Variants in KCNIP4 observed in about 807,000 individuals in gnomAD.
KCNIP4 encodes the protein potassium voltage-gated channel interacting protein 4, also known as Kv channel-interacting protein 4.
In KCNIP4, 12 loss-of-function variants were observed where a neutral mutation model predicts 34.0. The observed-to-expected ratio is 0.35, with a 90% CI of 0.23 to 0.57. KCNIP4 has a LOEUF of 0.57. KCNIP4 is among the 20% of genes least tolerant of loss of function. KCNIP4 has a pLI of 0.83. For synonymous variants in KCNIP4, 124 were observed against 102.2 expected, an observed-to-expected ratio of 1.21 and a Z score of -1.29; for missense variants, 238 against 311.7, an observed-to-expected ratio of 0.76 and a Z score of 1.78.
intron 1 of KCNIP4, among the ~76,000 whole-genome samples, chr4:21,006,789 A>G (rs1200464729): frequency 1.3e-5 from 2 of 152,086 alleles, no homozygotes; most frequent in Admixed American, 1.3e-4. Flanking sequence ...CACAGCATGG[A>G]AGTCTGATGA....
intron 1 of KCNIP4, among the ~76,000 whole-genome samples, chr4:21,386,012 T>C (rs9291426): frequency 0.047 from 7,148 of 152,184 alleles, 421 homozygotes; most frequent in African/African-American, 0.13. Context: ...GGAAAAAATA[T>C]CACACTTGTC....
intron 3 of KCNIP4, among the ~76,000 whole-genome samples, chr4:20,770,658 G>T (rs1423627751): frequency 6.6e-6 from 1 of 152,162 alleles, no homozygotes; most frequent in African/African-American, 2.4e-5. Flanking sequence ...AATAAGGCAG[G>T]TGCAGTGGCT....
At chr4:21,283,591 C>T (rs1000906340) in intron 1 of KCNIP4, among the ~76,000 whole-genome samples, 2 of 136,714 alleles carry the variant, frequency 1.5e-5, no homozygotes, top group Non-Finnish European at 3.0e-5. Flanking sequence ...CTGAACTAGT[C>T]CATGTGAAAA....
intron 3 of KCNIP4, among the ~76,000 whole-genome samples, chr4:20,844,966 T>C (rs907565574): frequency 1.3e-5 from 2 of 152,100 alleles, no homozygotes; most frequent in East Asian, 1.9e-4. Context: ...AAGCCAAACA[T>C]GGAGGGTGGG....
At chr4:20,918,812 A>G (rs991146551) in intron 1 of KCNIP4, among the ~76,000 whole-genome samples, 1 of 152,216 alleles carries the variant, frequency 6.6e-6, no homozygotes, top group Non-Finnish European at 1.5e-5. Context: ...GTCCAGACTC[A>G]ATCCAAATAT....
At position 20,729,750 on chromosome 4, in the gene KCNIP4, G is replaced by GATATTTTA. The variant is rs2149244790; in HGVS notation, c.*324_*331dup. 4.7e-6 allele frequency: 1 copy of GATATTTTA among 210,996 alleles called. No homozygotes were observed. Among genetic ancestry groups the GATATTTTA allele is most frequent in the Admixed American group, 5.8e-5 (1 of 17,312 alleles). The allele number at this position is 210,996 out of a possible 1,614,324, so 13.1% of individuals were successfully genotyped here. A position where few individuals can be genotyped will look rare whatever the true frequency, so the allele number is the denominator to read the frequency against. ...ATACAAATGAGTAGCAAAAAACACT[G>GATATTTTA]ATATTTTAAAATCACTGATATGTGA... is the stretch of plus-strand genomic sequence containing the variant. On this transcript the variant is annotated 3_prime_UTR_variant, in exon 9 of 9. Transcript: ENST00000382152.
intron 1 of KCNIP4, among the ~76,000 whole-genome samples, chr4:21,333,320 G>A (rs1715838755): frequency 6.6e-6 from 1 of 151,762 alleles, no homozygotes; most frequent in Non-Finnish European, 1.5e-5. Flanking sequence ...CCAGTATGGA[G>A]TAAAGCATCT....
At chr4:21,208,892 G>A (rs1478652868) in intron 1 of KCNIP4, among the ~76,000 whole-genome samples, 1 of 152,078 alleles carries the variant, frequency 6.6e-6, no homozygotes, top group African/African-American at 2.4e-5. Context: ...CAGCAGGAAG[G>A]AGAAGAGCAA....
At chr4:20,921,925 C>T (rs952498468) in intron 1 of KCNIP4, among the ~76,000 whole-genome samples, 4 of 152,160 alleles carry the variant, frequency 2.6e-5, no homozygotes, top group Admixed American at 6.5e-5. Flanking sequence ...ACATCCATAA[C>T]TATAATAGTT....
chr4:21,719,711 C>A (rs1366852892), intron 1 of KCNIP4, among the ~76,000 whole-genome samples: 1 of 151,920 alleles, frequency 6.6e-6, no homozygotes, highest in Non-Finnish European at 1.5e-5. Context: ...GCCTGTAATC[C>A]CAGCCTTTGG....
intron 1 of KCNIP4, among the ~76,000 whole-genome samples, chr4:21,824,064 C>A (rs1217752750): frequency 6.6e-6 from 1 of 152,118 alleles, no homozygotes; most frequent in Non-Finnish European, 1.5e-5. Flanking sequence ...GTGAAGAAGC[C>A]TGGGCTAGCC....
intron 1 of KCNIP4, among the ~76,000 whole-genome samples, chr4:21,645,498 G>A (rs749682524): frequency 4.7e-4 from 71 of 152,228 alleles, no homozygotes; most frequent in Non-Finnish European, 9.3e-4. Context: ...AAATACTAGT[G>A]CACTTTATTC....
intron 1 of KCNIP4, among the ~76,000 whole-genome samples, chr4:21,769,846 T>A (rs930678736): frequency 2.0e-5 from 3 of 152,098 alleles, no homozygotes; most frequent in Non-Finnish European, 4.4e-5. Context: ...AAAAATCATA[T>A]TTTACATCAA....
intron 5 of KCNIP4, among the ~76,000 whole-genome samples, chr4:20,743,602 T>C (rs1032441562): frequency 2.0e-5 from 3 of 152,028 alleles, no homozygotes; most frequent in Admixed American, 6.6e-5. Context: ...TTCCTTACAC[T>C]TTATACAAAA....
At chr4:21,648,276 A>G (rs1437247315) in intron 1 of KCNIP4, among the ~76,000 whole-genome samples, 2 of 152,128 alleles carry the variant, frequency 1.3e-5, no homozygotes, top group Non-Finnish European at 2.9e-5. Context: ...ATTTTAAAGC[A>G]ATTTCTACTT....
intron 1 of KCNIP4, among the ~76,000 whole-genome samples, chr4:20,913,030 A>AT (rs1728471931): frequency 6.6e-6 from 1 of 152,188 alleles, no homozygotes; most frequent in African/African-American, 2.4e-5. Context: ...AATCCTAGGT[A>AT]TATCCTGAAG....
chr4:20,927,126 A>G (rs907434406), intron 1 of KCNIP4, among the ~76,000 whole-genome samples: 1 of 151,978 alleles, frequency 6.6e-6, no homozygotes, highest in Middle Eastern at 3.2e-3. Flanking sequence ...CTACAGGTCC[A>G]TGTCACCACA....
chr4:21,120,766 G>A (rs1302675100), intron 1 of KCNIP4, among the ~76,000 whole-genome samples: 1 of 152,136 alleles, frequency 6.6e-6, no homozygotes, highest in Non-Finnish European at 1.5e-5. Flanking sequence ...AGATTTGGGT[G>A]GGGACACAAA....
At chr4:20,771,508 C>T (rs547168668) in intron 3 of KCNIP4, among the ~76,000 whole-genome samples, 2 of 152,226 alleles carry the variant, frequency 1.3e-5, no homozygotes, top group African/African-American at 4.8e-5. Flanking sequence ...GTTGAGTTTA[C>T]AGGTTGCTGA....
Sources: allele counts gnomAD v4.1 joint callset (sites outside exome capture counted in the v4.1 genomes callset), GRCh38; gene constraint gnomAD v4.1.1; transcripts MANE v1.5; gene names NCBI Gene and HGNC (gene_info 2026-07-23, HGNC 2026-07-21).